FBN2: variants seen among roughly 807,000 people sequenced by gnomAD.
FBN2 encodes the protein fibrillin-2.
In FBN2, 105 loss-of-function variants were observed where a neutral mutation model predicts 355.6. That is an observed-to-expected ratio of 0.30 (90% CI 0.25 to 0.35). FBN2 has a LOEUF of 0.35. Among genes scored for constraint, FBN2 ranks in the 10% least tolerant of loss-of-function variants. The probability of loss-of-function intolerance (pLI) is 1.00; values close to 1 mark genes in which losing one functional copy is unlikely to be tolerated. For synonymous variants in FBN2, 1,350 were observed against 1,301.2 expected, an observed-to-expected ratio of 1.04 and a Z score of -0.81; for missense variants, 3,280 against 3,758.7, an observed-to-expected ratio of 0.87 and a Z score of 3.33.
Position 128,393,347 on chromosome 5 carries a change from A to G in FBN2, c.1253T>C (p.Met418Thr), listed in dbSNP as rs769840338. The change falls in exon 10 of 65, where the codon ATG becomes ACG. Residue 418 changes from methionine to threonine, a missense_variant. Transcript: ENST00000262464. ...AATTCCTCCCATTGGAAGTCCATCC[A>G]TGCAAAGTCTGCGATATTCCTCTAG... Reference protein sequence around the residue: ...RGSEEYRRLCMDGLPMGGIPG... With the variant: ...RGSEEYRRLCTDGLPMGGIPG... The G allele has an allele frequency of 6.2e-6, 10 of 1,614,138 alleles. No individual in the cohort carries two copies. Among genetic ancestry groups the G allele is most frequent in the Non-Finnish European group, 8.5e-6 (10 of 1,179,988 alleles).
intron 16 of FBN2, among the ~76,000 whole-genome samples, chr5:128,367,287 A>G (rs905006602): frequency 6.6e-6 from 1 of 152,094 alleles, no homozygotes; most frequent in Admixed American, 6.6e-5. Flanking sequence ...TACCCTCATT[A>G]TCACCGGGAA....
At chr5:128,464,460 T>G (rs1482750651) in intron 6 of FBN2, among the ~76,000 whole-genome samples, 1 of 152,214 alleles carries the variant, frequency 6.6e-6, no homozygotes, top group Non-Finnish European at 1.5e-5. Flanking sequence ...GTTCATCCTT[T>G]GATTGTATTA....
At chr5:128,460,782 T>A (rs1434354578) in intron 6 of FBN2, among the ~76,000 whole-genome samples, 2 of 152,160 alleles carry the variant, frequency 1.3e-5, no homozygotes, top group East Asian at 3.8e-4. Context: ...TAGTAAATGG[T>A]GCTGGGAAAA....
At chr5:128,401,985 C>T (rs1003656158) in intron 8 of FBN2, among the ~76,000 whole-genome samples, 10 of 152,128 alleles carry the variant, frequency 6.6e-5, no homozygotes, top group African/African-American at 2.2e-4. Context: ...AGGCAACCTA[C>T]TTCTCATTTC....
At chr5:128,366,023 A>G (rs979116405) in intron 17 of FBN2, among the ~76,000 whole-genome samples, 1 of 151,930 alleles carries the variant, frequency 6.6e-6, no homozygotes, top group Non-Finnish European at 1.5e-5. Context: ...TTCTAACCCT[A>G]TCTGCACCAT....
chr5:128,371,892 T>C (rs1024984717), intron 15 of FBN2, among the ~76,000 whole-genome samples: 5 of 152,236 alleles, frequency 3.3e-5, no homozygotes, highest in Non-Finnish European at 7.3e-5. Flanking sequence ...TAGCAGATTC[T>C]ACATACCATG....
At chr5:128,321,159 C>T (rs1366291244) in intron 34 of FBN2, among the ~76,000 whole-genome samples, 1 of 152,096 alleles carries the variant, frequency 6.6e-6, no homozygotes, top group Non-Finnish European at 1.5e-5. Context: ...TTCTACCTGA[C>T]TTATTTCATG....
At chr5:128,260,881 G>C (rs1050210422) in intron 64 of FBN2, among the ~76,000 whole-genome samples, 1 of 152,176 alleles carries the variant, frequency 6.6e-6, no homozygotes, top group African/African-American at 2.4e-5. Flanking sequence ...TAACTGCAGA[G>C]AGTGGTGAGT....
intron 5 of FBN2, among the ~76,000 whole-genome samples, chr5:128,491,610 T>C (rs1228729480): frequency 1.3e-5 from 2 of 152,242 alleles, no homozygotes; most frequent in Non-Finnish European, 2.9e-5. Flanking sequence ...AGCTTCTCCT[T>C]ACTCTTTAAT....
chr5:128,328,161 C>T, intron 34 of FBN2: 1 of 178,772 alleles, frequency 5.6e-6, no homozygotes. Flanking sequence ...GCACAAAGAC[C>T]CATTTCTAGG....
At chr5:128,328,909 G>T in intron 33 of FBN2, 88 bp from the exon 34 acceptor site, 1 of 1,393,168 alleles carries the variant, frequency 7.2e-7, no homozygotes, top group Non-Finnish European at 1.0e-6. Context: ...CAGTTTTACT[G>T]GCTTGACTTA....
At chr5:128,435,253 T>A in intron 7 of FBN2, among the ~76,000 whole-genome samples, 1 of 152,156 alleles carries the variant, frequency 6.6e-6, no homozygotes, top group East Asian at 1.9e-4. Flanking sequence ...ATACCCTAGT[T>A]CCACATTTTC....
rs7710156 is a variant in FBN2 at position 128,299,360 on chromosome 5, A to C, written c.6166+1457T>G. Among the ~76,000 whole-genome samples, 41 of 149,664 alleles carry C rather than the reference A, an allele frequency of 2.7e-4. No individual in the cohort carries two copies. The East Asian group carries it at 5.8e-3, about 21-fold the overall frequency. ...CCTCCTTGAGCTGTGGTGGGCTCCAAACAGTTCGAGCTTCCGGGCTGCTTT... is the reference window on the plus strand; with the variant it reads ...CCTCCTTGAGCTGTGGTGGGCTCCACACAGTTCGAGCTTCCGGGCTGCTTT... On this transcript the variant is annotated intron_variant, in intron 48 of 64. Coordinates refer to ENST00000262464, the MANE Select transcript of FBN2 (RefSeq NM_001999.4).
In FBN2 at chr5:128,286,704, C is replaced by T. The variant is rs1749160201; in HGVS notation, c.7012+14G>A. 1 of 1,613,850 alleles carries T rather than the reference C, an allele frequency of 6.2e-7. No homozygotes were observed. The highest frequency in any genetic ancestry group is 1.3e-5 in the African/African-American group (1 of 75,032). ...GAGGCATTACATAAGCAGACACCTT[C>T]CCTTACCGCTTACCTACACAGCCTT... On this transcript the variant is annotated intron_variant, in intron 55 of 64. Transcript: ENST00000262464.
chr5:128,490,208 T>C (rs1435578245), intron 5 of FBN2, among the ~76,000 whole-genome samples: 4 of 152,180 alleles, frequency 2.6e-5, no homozygotes, highest in Admixed American at 6.5e-5. Flanking sequence ...GTTTTAACAA[T>C]TTGAGATCAG....
chr5:128,300,708 C>T (rs1749690004), intron 48 of FBN2, 109 bp downstream of exon 48: 1 of 1,093,260 alleles, frequency 9.1e-7, no homozygotes, highest in African/African-American at 1.5e-5. Flanking sequence ...TGTTTAATTC[C>T]TTAGGTCAGC....
intron 7 of FBN2, among the ~76,000 whole-genome samples, chr5:128,434,034 A>G (rs1753703122): frequency 6.6e-6 from 1 of 152,096 alleles, no homozygotes; most frequent in African/African-American, 2.4e-5. Context: ...AGCAGGTAAA[A>G]CAACTACTGG....
chr5:128,281,767 G>A lies in FBN2; in HGVS notation c.7013-1450C>T, dbSNP rs112321116. On this transcript the variant is annotated intron_variant, in intron 55 of 64. Transcript: ENST00000262464. ...GTGGTGCAATCTTGGCTCATTGCAA[G>A]CTCTGCCTCCTGGGTTCACGCCATT... Among the ~76,000 whole-genome samples, 7 of 152,230 alleles carry A rather than the reference G, an allele frequency of 4.6e-5. 1 individual carries two copies. Among genetic ancestry groups the A allele is most frequent in the African/African-American group, 1.4e-4 (6 of 41,554 alleles).
chr5:128,291,757 T>A, intron 48 of FBN2, 103 bp from the exon 49 acceptor site: 1 of 1,072,858 alleles, frequency 9.3e-7, no homozygotes, highest in Non-Finnish European at 1.4e-6. Flanking sequence ...AGACAAGAGA[T>A]ATTACGTTGT....
Sources: gnomAD v4.1 joint callset for allele counts (sites outside exome capture counted in the v4.1 genomes callset) on GRCh38, gnomAD v4.1.1 for gene constraint, MANE v1.5 for transcripts, NCBI Gene and HGNC (gene_info 2026-07-23, HGNC 2026-07-21) for gene names.